The following TSHZ3 variants were observed in gnomAD, a reference collection of about 807,000 sequenced individuals.
TSHZ3 encodes teashirt homolog 3.
Under a neutral mutation model 64.5 loss-of-function variants are expected in TSHZ3, and 10 were observed. The observed-to-expected ratio is 0.16, with a 90% CI of 0.10 to 0.26. The LOEUF is 0.26. Ranked by LOEUF, TSHZ3 falls within the 10% of genes least tolerant of loss-of-function variation. The pLI, the probability that TSHZ3 is intolerant of heterozygous loss-of-function variation, is 1.00. For synonymous variants in TSHZ3, 608 were observed against 593.1 expected, an observed-to-expected ratio of 1.03 and a Z score of -0.36; for missense variants, 1,242 against 1,421.7, an observed-to-expected ratio of 0.87 and a Z score of 2.03.
At chr19:31,174,386 C>G (rs1445291875) in intron 5 of TSHZ3, among the ~76,000 whole-genome samples, 3 of 152,232 alleles carry the variant, frequency 2.0e-5, no homozygotes, top group Admixed American at 6.5e-5. Context: ...GTATTCAGGT[C>G]TTCAGTTACT....
chr19:31,259,496 T>C (rs573349561), intron 1 of TSHZ3, among the ~76,000 whole-genome samples: 9 of 152,168 alleles, frequency 5.9e-5, no homozygotes, highest in African/African-American at 1.7e-4. Context: ...AGTCGAAGCA[T>C]GCGTCTGAGA....
Position 31,277,835 on chromosome 19 carries a change from G to A in TSHZ3, c.1958C>T (p.Pro653Leu). 1 of 1,575,284 alleles carries A rather than the reference G, an allele frequency of 6.3e-7. No individual in the cohort carries two copies. The highest frequency in any genetic ancestry group is 8.6e-7 in the Non-Finnish European group (1 of 1,162,728). ...PSPCSSEVGE[P>L]IKMEASSDGG... ...ATCGCTGGATGCCTCCATCTTGATG[G>A]GTTCCCCGACTTCGCTGCTACATGG... The change falls in exon 2 of 2, where the codon CCC becomes CTC. Residue 653 changes from proline (P) to leucine (L), a missense_variant. Transcript: ENST00000240587. This position sits in a 1 kb window ranked among gnomAD's most constrained non-coding sequence, Gnocchi z 4.5.
intron 5 of TSHZ3, among the ~76,000 whole-genome samples, chr19:31,164,263 C>T (rs925104640): frequency 6.6e-6 from 1 of 152,132 alleles, no homozygotes; most frequent in Admixed American, 6.5e-5. Flanking sequence ...CTGAATGCCC[C>T]GCTGTTCCTG....
At chr19:31,298,861 A>C (rs1976706507) in intron 1 of TSHZ3, among the ~76,000 whole-genome samples, 1 of 152,216 alleles carries the variant, frequency 6.6e-6, no homozygotes, top group Non-Finnish European at 1.5e-5. Context: ...GTACTACTTA[A>C]GAGTGAAGAA....
intron 1 of TSHZ3, among the ~76,000 whole-genome samples, chr19:31,343,920 T>G (rs1371098063): frequency 6.6e-6 from 1 of 152,134 alleles, no homozygotes; most frequent in Non-Finnish European, 1.5e-5. Flanking sequence ...TAAAAAGGCT[T>G]ACAGACATTT....
intron 1 of TSHZ3, among the ~76,000 whole-genome samples, chr19:31,323,900 AC>A (rs1348691668): frequency 7.3e-5 from 11 of 150,016 alleles, no homozygotes; most frequent in African/African-American, 2.7e-4. Context: ...ACACACACAC[AC>A]ACACACACAC....
chr19:31,207,600 C>A (rs1975200265), intron 4 of TSHZ3: 1 of 152,118 alleles, frequency 6.6e-6, no homozygotes, highest in African/African-American at 2.4e-5. Context: ...CTGGAGAGAA[C>A]TAACATGTCT....
At chr19:31,289,764 C>G (rs73035728) in intron 1 of TSHZ3, among the ~76,000 whole-genome samples, 12 of 152,194 alleles carry the variant, frequency 7.9e-5, no homozygotes, top group African/African-American at 2.9e-4. Context: ...CAAGCTGGGC[C>G]GCGTTCTCCT....
intron 6 of TSHZ3, among the ~76,000 whole-genome samples, chr19:31,154,786 T>C (rs912930526): frequency 1.3e-5 from 2 of 152,182 alleles, no homozygotes; most frequent in African/African-American, 4.8e-5. Context: ...TGGGCTTCAT[T>C]TGAGACCTGA....
chr19:31,205,224 G>A (rs1975149301), intron 4 of TSHZ3, among the ~76,000 whole-genome samples: 1 of 152,062 alleles, frequency 6.6e-6, no homozygotes, highest in African/African-American at 2.4e-5. Flanking sequence ...CCTTACACTT[G>A]TTACCTTATG....
intron 3 of TSHZ3, among the ~76,000 whole-genome samples, chr19:31,233,449 T>C (rs1975566157): frequency 6.6e-6 from 1 of 152,198 alleles, no homozygotes; most frequent in Non-Finnish European, 1.5e-5. Flanking sequence ...TGCCTTCTAT[T>C]ATTCAGTTGT....
At chr19:31,180,276 G>A (rs966915404) in intron 5 of TSHZ3, among the ~76,000 whole-genome samples, 3 of 152,176 alleles carry the variant, frequency 2.0e-5, no homozygotes, top group Admixed American at 2.0e-4. Flanking sequence ...TGAAGAGTCT[G>A]TGACTTCCAG....
intron 4 of TSHZ3, among the ~76,000 whole-genome samples, chr19:31,210,921 C>T (rs1372164281): frequency 3.9e-5 from 6 of 152,108 alleles, no homozygotes; most frequent in African/African-American, 1.2e-4. Context: ...AAACTGGCGG[C>T]AGATTTTAGC....
intron 1 of TSHZ3, among the ~76,000 whole-genome samples, chr19:31,341,890 C>A (rs1435496715): frequency 6.6e-6 from 1 of 152,152 alleles, no homozygotes; most frequent in African/African-American, 2.4e-5. Flanking sequence ...CATTAAGATT[C>A]CTAGGCAACC....
chr19:31,325,977 T>C (rs895127759), intron 1 of TSHZ3, among the ~76,000 whole-genome samples: 1 of 152,190 alleles, frequency 6.6e-6, no homozygotes, highest in East Asian at 1.9e-4. Context: ...GTTTAAAGAA[T>C]TTTGCCTGTA....
At chr19:31,210,128 G>C (rs140405466) in intron 4 of TSHZ3, among the ~76,000 whole-genome samples, 3,975 of 152,222 alleles carry the variant, frequency 0.026, 94 homozygotes, top group Non-Finnish European at 0.046. Context: ...GATGTACTTG[G>C]GGGGATATTC....
Position 31,241,955 on chromosome 19 carries a change from C to T in TSHZ3, n.550+314G>A, listed in dbSNP as rs115164640. 3.4e-3 allele frequency among the ~76,000 whole-genome samples: 519 copies of T among 152,328 alleles called. 6 individuals are homozygous for T. The highest frequency in any genetic ancestry group is 0.012 in the African/African-American group (495 of 41,566). ...GCCCACATACCTCACTCTGATCAGG[C>T]AATCTGCCCTGTCATACCATCTTCA... On this transcript the variant is annotated intron_variant and non_coding_transcript_variant, in intron 3 of 6. Transcript: ENST00000651361.
chr19:31,185,811 C>A (rs1426966144), intron 5 of TSHZ3, among the ~76,000 whole-genome samples: 1 of 152,186 alleles, frequency 6.6e-6, no homozygotes, highest in Non-Finnish European at 1.5e-5. Flanking sequence ...CCATCATTAT[C>A]CTTCCCAGTC....
chr19:31,272,918 T>C (rs550945906), downstream of TSHZ3, among the ~76,000 whole-genome samples: 26 of 152,244 alleles, frequency 1.7e-4, no homozygotes, highest in African/African-American at 6.0e-4. Flanking sequence ...CCTGCACCCA[T>C]TTAAAGGCCT....
Sources: allele counts gnomAD v4.1 joint callset (sites outside exome capture counted in the v4.1 genomes callset), GRCh38; gene constraint gnomAD v4.1.1; non-coding constraint Gnocchi (gnomAD v3.1); transcripts MANE v1.5; gene names NCBI Gene and HGNC (gene_info 2026-07-23, HGNC 2026-07-21).